SULF2: variants seen among roughly 807,000 people sequenced by gnomAD.
SULF2 encodes the protein sulfatase 2.
SULF2 carries 52 observed loss-of-function variants against 107.7 expected under a neutral mutation model. The ratio of observed to expected loss-of-function variants is 0.48; its 90% CI spans 0.39 to 0.61. SULF2 has a LOEUF of 0.61. SULF2 is among the 20% of genes least tolerant of loss of function. The pLI, the probability that SULF2 is intolerant of heterozygous loss-of-function variation, is 0.00. For missense variants in SULF2, 993 were observed against 1,177.3 expected, an observed-to-expected ratio of 0.84 and a Z score of 2.29; for synonymous variants, 460 against 464.3, an observed-to-expected ratio of 0.99 and a Z score of 0.12.
rs78249878 is a variant in SULF2, at chr20:47,757,443, C to G, written c.-80G>C. On this transcript the variant is annotated 5_prime_UTR_variant, in exon 2 of 21. Coordinates refer to ENST00000688720, the MANE Select transcript of SULF2 (RefSeq NM_001387048.1). The stretch of plus-strand genomic sequence containing the variant: ...GTCTGTGGCTTTGTTTCTTTTCCCT[C>G]GTCCCTCTTCACTCGCAGATCTAGA... 2 of 1,445,788 alleles carry G rather than the reference C, an allele frequency of 1.4e-6. No individual in the cohort carries two copies. Among genetic ancestry groups the G allele is most frequent in the East Asian group, 2.5e-5 (1 of 39,958 alleles). The allele number at this position is 1,445,788 out of a possible 1,614,324, so 89.6% of individuals were successfully genotyped here.
chr20:47,732,152 C>A (rs1035223175), intron 3 of SULF2, among the ~76,000 whole-genome samples: 5 of 152,158 alleles, frequency 3.3e-5, no homozygotes, highest in South Asian at 2.1e-4. Context: ...CACTTTGGCC[C>A]CCCAAAATGT....
At chr20:47,689,079 G>C (rs919532938) in intron 5 of SULF2, among the ~76,000 whole-genome samples, 7 of 152,146 alleles carry the variant, frequency 4.6e-5, no homozygotes, top group South Asian at 4.2e-4. Context: ...AAGCAGAAGT[G>C]GGGGGCTGGA....
chr20:47,681,622 T>G (rs1194015085), intron 7 of SULF2, among the ~76,000 whole-genome samples: 6 of 152,306 alleles, frequency 3.9e-5, no homozygotes, highest in Non-Finnish European at 8.8e-5. Flanking sequence ...CGTGCCTCAG[T>G]GGCCTTGGGT....
intron 1 of SULF2, among the ~76,000 whole-genome samples, chr20:47,769,847 G>A (rs2090595933): frequency 6.6e-6 from 1 of 152,092 alleles, no homozygotes; most frequent in Non-Finnish European, 1.5e-5. Context: ...AGAGATGACA[G>A]TTGGGTGGAT....
chr20:47,677,162 C>T (rs779449557), intron 8 of SULF2, 28 bp from the exon 9 acceptor site: 3 of 1,613,368 alleles, frequency 1.9e-6, no homozygotes, highest in Admixed American at 1.7e-5. Flanking sequence ...TCCTGCTTCT[C>T]AGCAACATGA....
chr20:47,740,340 A>G (rs2089848432), intron 2 of SULF2, among the ~76,000 whole-genome samples: 3 of 152,208 alleles, frequency 2.0e-5, no homozygotes, highest in Non-Finnish European at 1.5e-5. Context: ...AGGTGGTAAC[A>G]GTGTCCTGAG....
Position 47,678,530 on chromosome 20 carries a change from G to GGGA in SULF2, c.1193+145_1193+146insTCC. 9 of 993,718 alleles carry GGGA rather than the reference G, an allele frequency of 9.1e-6. No individual in the cohort carries two copies. Among genetic ancestry groups the GGGA allele is most frequent in the Non-Finnish European group, 1.3e-5 (9 of 670,420 alleles). 61.6% of individuals were successfully genotyped at this position (993,718 alleles called of 1,614,324 possible). ...GAGGGGACCATGCTTCTCTCCCACA[G>GGGA]CAGGTAAGTGGTTGGCATGGCGGGA... is the stretch of plus-strand genomic sequence containing the variant. On this transcript the variant is annotated intron_variant, in intron 8 of 20. Transcript: ENST00000688720. The surrounding 1 kb of genome is among the most constrained non-coding windows in gnomAD (Gnocchi z 4.5).
chr20:47,676,555 TG>T lies in SULF2; in HGVS notation c.1318del (p.Gln440SerfsTer3). 1 of 1,588,862 alleles carries T rather than the reference TG, an allele frequency of 6.3e-7. No individual in the cohort carries two copies. Among genetic ancestry groups the T allele is most frequent in the Non-Finnish European group, 8.6e-7 (1 of 1,167,402 alleles). On this transcript the variant is annotated frameshift_variant, in exon 10 of 21. Coordinates refer to ENST00000688720, the MANE Select transcript of SULF2 (RefSeq NM_001387048.1). LOFTEE classifies it high-confidence loss of function. ...ACGCTGACACAGGTCCTTCACACGCTGGTACTTGGGCAGAAAGTTCTCCTCC... is the reference window on the plus strand; with the variant it reads ...ACGCTGACACAGGTCCTTCACACGCTGTACTTGGGCAGAAAGTTCTCCTCC... ...AQEENFLPKY[Q>X]RVKDLCQRAE...
intron 5 of SULF2, among the ~76,000 whole-genome samples, chr20:47,687,038 C>T (rs1478541623): frequency 1.3e-5 from 2 of 152,134 alleles, no homozygotes; most frequent in African/African-American, 4.8e-5. Flanking sequence ...CTCAGAGCAG[C>T]GAGCGTGTGG....
chr20:47,678,613 T>C lies in SULF2; in HGVS notation c.1193+63A>G. 5.6e-6 allele frequency: 9 copies of C among 1,598,484 alleles called. No homozygotes were observed. The highest frequency in any genetic ancestry group is 7.7e-6 in the Non-Finnish European group (9 of 1,171,000). ...CCCACGTTCTAGACCCACAGGGTTT[T>C]GCTCTGAGTTCCCGCAGGTCAATGT... is the stretch of plus-strand genomic sequence containing the variant. On this transcript the variant is annotated intron_variant, in intron 8 of 20. Coordinates refer to ENST00000688720, the MANE Select transcript of SULF2 (RefSeq NM_001387048.1). The surrounding 1 kb of genome is among the most constrained non-coding windows in gnomAD (Gnocchi z 4.5).
chr20:47,731,094 A>C (rs954106164), intron 3 of SULF2, among the ~76,000 whole-genome samples: 2 of 151,718 alleles, frequency 1.3e-5, no homozygotes, highest in African/African-American at 4.8e-5. Context: ...CTGGAGTGCC[A>C]GCCACCATGT....
chr20:47,710,737 C>A (rs1322179727), intron 3 of SULF2, among the ~76,000 whole-genome samples: 1 of 152,142 alleles, frequency 6.6e-6, no homozygotes, highest in Non-Finnish European at 1.5e-5. Flanking sequence ...GTCCCCCTGC[C>A]CCCTTGGAGA....
intron 2 of SULF2, among the ~76,000 whole-genome samples, chr20:47,756,028 A>G (rs2090273941): frequency 1.3e-5 from 2 of 152,078 alleles, no homozygotes; most frequent in East Asian, 3.9e-4. Flanking sequence ...GACACAGTGC[A>G]CTGAATGCAA....
At chr20:47,746,931 A>G (rs899388382) in intron 2 of SULF2, among the ~76,000 whole-genome samples, 2 of 151,230 alleles carry the variant, frequency 1.3e-5, no homozygotes, top group African/African-American at 4.9e-5. Context: ...ACACATATAC[A>G]TATGTAACAA....
chr20:47,673,661 G>T (rs1283453765), intron 10 of SULF2, among the ~76,000 whole-genome samples: 1 of 152,188 alleles, frequency 6.6e-6, no homozygotes, highest in African/African-American at 2.4e-5. Context: ...AATGCATGCA[G>T]GCCCTTCCAG....
intron 11 of SULF2, among the ~76,000 whole-genome samples, chr20:47,669,734 C>T (rs757417150): frequency 2.6e-5 from 4 of 152,160 alleles, no homozygotes; most frequent in Admixed American, 1.3e-4. Flanking sequence ...GTGCAGGTCC[C>T]GGCTCTGACA....
intron 14 of SULF2, among the ~76,000 whole-genome samples, chr20:47,664,795 T>C (rs1209854899): frequency 6.6e-6 from 1 of 152,256 alleles, no homozygotes. Flanking sequence ...AGTGCAGATA[T>C]AGCCCATTTC....
At chr20:47,741,804 C>T (rs1445512499) in intron 2 of SULF2, among the ~76,000 whole-genome samples, 1 of 152,226 alleles carries the variant, frequency 6.6e-6, no homozygotes, top group Non-Finnish European at 1.5e-5. Flanking sequence ...TCAGACCCTT[C>T]TCCTGGAAGG....
In SULF2 at chr20:47,775,610, C is replaced by T. The variant is rs542428238; in HGVS notation, c.-101+9733G>A. Among the ~76,000 whole-genome samples, 12 of 152,332 alleles carry T rather than the reference C, an allele frequency of 7.9e-5. No individual in the cohort carries two copies. The South Asian group carries it at 8.3e-4, about 11-fold the overall frequency. On this transcript the variant is annotated intron_variant, in intron 1 of 20. Coordinates refer to ENST00000688720, the MANE Select transcript of SULF2 (RefSeq NM_001387048.1). Reference sequence around the variant, plus strand: ...ATGAGGTTAAGACTTTCAGCCTCTTCGGCTAATGAACACTTGGAGGAGAAC... The same window carrying T: ...ATGAGGTTAAGACTTTCAGCCTCTTTGGCTAATGAACACTTGGAGGAGAAC...
Sources: gnomAD v4.1 joint callset for allele counts (sites outside exome capture counted in the v4.1 genomes callset) on GRCh38, gnomAD v4.1.1 for gene constraint, Gnocchi (gnomAD v3.1) non-coding constraint, MANE v1.5 for transcripts, NCBI Gene and HGNC (gene_info 2026-07-23, HGNC 2026-07-21) for gene names.